The following PLEKHH2 variants were observed in gnomAD, a reference collection of about 807,000 sequenced individuals.
PLEKHH2 encodes pleckstrin homology domain-containing family H member 2.
Under a neutral mutation model 187.9 loss-of-function variants are expected in PLEKHH2, and 129 were observed. The ratio of observed to expected loss-of-function variants is 0.69; its 90% confidence interval spans 0.59 to 0.79. PLEKHH2 has a LOEUF of 0.79. Among genes scored for constraint, PLEKHH2 ranks in the 30% least tolerant of loss-of-function variants. PLEKHH2 has a pLI of 0.00. For missense variants in PLEKHH2, 2,076 were observed against 1,751.2 expected (o/e 1.19, Z -3.31); for synonymous variants, 686 against 605.6 (o/e 1.13, Z -1.95).
chr2:43,641,492 T>A (rs1467395897), intron 1 of PLEKHH2, among the ~76,000 whole-genome samples: 5 of 104,336 alleles, frequency 4.8e-5, no homozygotes, highest in Admixed American at 3.5e-4. Context: ...TTATGAGATT[T>A]GTTTTGCAAT....
intron 17 of PLEKHH2, 61 bp from the exon 18 acceptor site, chr2:43,729,576 G>GTT: frequency 1.9e-5 from 22 of 1,142,362 alleles, no homozygotes; most frequent in South Asian, 9.5e-5. Context: ...TATGCAAGTT[G>GTT]TTTTTTTTTC....
rs1350745430 is a variant in PLEKHH2, at chr2:43,649,780, T to C, written c.123+4984T>C. On this transcript the variant is annotated intron_variant, in intron 2 of 29. Transcript: ENST00000282406. ...TAATGTTTGGTGGTAGAATCTTTCA[T>C]GGGGTCTGTGGGGGAAAAGTCAGGA... Among the ~76,000 whole-genome samples, 10 of 152,220 alleles carry C rather than the reference T, an allele frequency of 6.6e-5. No individual in the cohort carries two copies. In the East Asian group the frequency reaches 1.9e-3, roughly 29 times the overall value.
At chr2:43,680,768 GT>G in intron 3 of PLEKHH2, 1 of 388,506 alleles carries the variant, frequency 2.6e-6, no homozygotes, top group Non-Finnish European at 4.8e-6. Context: ...GCCGTACAAA[GT>G]TTGTCATTCC....
At chr2:43,639,985 G>A (rs1703298840) in intron 1 of PLEKHH2, among the ~76,000 whole-genome samples, 1 of 152,002 alleles carries the variant, frequency 6.6e-6, no homozygotes, top group African/African-American at 2.4e-5. Context: ...TCATTCATCT[G>A]ATGGTGGACA....
intron 24 of PLEKHH2, among the ~76,000 whole-genome samples, chr2:43,752,983 C>T (rs190235173): frequency 6.6e-6 from 1 of 152,286 alleles, no homozygotes; most frequent in Non-Finnish European, 1.5e-5. Flanking sequence ...AGAGAAAACT[C>T]ACCTTCTCCC....
At chr2:43,639,650 C>CTTTTTTTTTTTTTTTTTTTTTTT (rs869116400) in intron 1 of PLEKHH2, among the ~76,000 whole-genome samples, 1 of 99,226 alleles carries the variant, frequency 1.0e-5, no homozygotes, top group Non-Finnish European at 1.9e-5. Flanking sequence ...GGATGTACCA[C>CTTTTTTTTTTTTTTTTTTTTTTT]TTTTTTTTTT....
At chr2:43,692,723 A>G in intron 4 of PLEKHH2, 60 bp downstream of exon 4, 1 of 1,519,296 alleles carries the variant, frequency 6.6e-7, no homozygotes, top group Non-Finnish European at 9.0e-7. Flanking sequence ...ATAATCACAA[A>G]GATTAAAAAG....
chr2:43,708,392 T>A (rs1022454892), intron 11 of PLEKHH2, among the ~76,000 whole-genome samples: 7 of 152,192 alleles, frequency 4.6e-5, no homozygotes, highest in African/African-American at 1.7e-4. Flanking sequence ...CAGGCATGCT[T>A]GCATTTCAGG....
chr2:43,764,844 T>C (rs992044236), intron 29 of PLEKHH2, among the ~76,000 whole-genome samples: 2 of 152,228 alleles, frequency 1.3e-5, no homozygotes, highest in African/African-American at 4.8e-5. Context: ...TTAACATCTC[T>C]AAGTAAAAGC....
intron 25 of PLEKHH2, among the ~76,000 whole-genome samples, chr2:43,755,163 G>A (rs896271198): frequency 2.7e-4 from 41 of 152,144 alleles, no homozygotes; most frequent in African/African-American, 9.9e-4. Context: ...GTGAGCCACC[G>A]CGCCCAGCCA....
At chr2:43,705,444 A>T (rs1669612457) in intron 9 of PLEKHH2, among the ~76,000 whole-genome samples, 1 of 151,168 alleles carries the variant, frequency 6.6e-6, no homozygotes, top group African/African-American at 2.4e-5. Flanking sequence ...TTTTGTGGAG[A>T]TGGGGGTCTC....
chr2:43,656,667 A>C (rs1019342347), intron 2 of PLEKHH2, among the ~76,000 whole-genome samples: 1 of 152,250 alleles, frequency 6.6e-6, no homozygotes, highest in Non-Finnish European at 1.5e-5. Context: ...CGATGTATAC[A>C]TATTTAAAAA....
chr2:43,761,535 C>G (rs112047746), intron 27 of PLEKHH2, among the ~76,000 whole-genome samples: 4 of 151,732 alleles, frequency 2.6e-5, no homozygotes, highest in African/African-American at 9.7e-5. Flanking sequence ...CTCAGCCTCC[C>G]AAGTAGATCG....
intron 15 of PLEKHH2, among the ~76,000 whole-genome samples, chr2:43,713,308 A>G (rs1272705844): frequency 6.6e-6 from 1 of 152,150 alleles, no homozygotes; most frequent in Admixed American, 6.6e-5. Flanking sequence ...CTAGTTTTGA[A>G]AGCTATTTAC....
intron 17 of PLEKHH2, 109 bp from the exon 18 acceptor site, chr2:43,729,527 AG>A: frequency 3.3e-6 from 2 of 599,566 alleles, no homozygotes; most frequent in Non-Finnish European, 2.6e-6. Flanking sequence ...TAAAAATTAA[AG>A]CAAGTGGTTC....
Position 43,710,401 on chromosome 2 carries a change from T to A in PLEKHH2, c.2214+71T>A, listed in dbSNP as rs1052963365. 4.4e-6 allele frequency: 7 copies of A among 1,586,102 alleles called. No homozygotes were observed. In the African/African-American group the frequency reaches 6.8e-5, roughly 15 times the overall value. ...TAAATCAGACGCCTGATTGATTTCC[T>A]TCCCATAATGCAAGTAATGATACAA... is the stretch of plus-strand genomic sequence containing the variant. On this transcript the variant is annotated intron_variant, in intron 13 of 29. Coordinates refer to ENST00000282406, the MANE Select transcript of PLEKHH2 (RefSeq NM_172069.4).
chr2:43,764,969 C>CT (rs532162840), intron 29 of PLEKHH2, among the ~76,000 whole-genome samples: 225 of 152,298 alleles, frequency 1.5e-3, no homozygotes, highest in Non-Finnish European at 2.5e-3. Flanking sequence ...GAATCTGAAG[C>CT]TTTTTTTACA....
intron 3 of PLEKHH2, among the ~76,000 whole-genome samples, chr2:43,682,346 A>G (rs756123457): frequency 1.3e-5 from 2 of 152,082 alleles, no homozygotes; most frequent in Non-Finnish European, 2.9e-5. Flanking sequence ...TCACTCTGTC[A>G]CCTGGGCTGG....
At chr2:43,700,673 G>T in intron 8 of PLEKHH2, 65 bp downstream of exon 8, 1 of 1,519,304 alleles carries the variant, frequency 6.6e-7, no homozygotes, top group South Asian at 1.3e-5. Flanking sequence ...TTTTTTCTGG[G>T]AGGGAGTCTC....
Sources: allele counts gnomAD v4.1 joint callset (sites outside exome capture counted in the v4.1 genomes callset), GRCh38; gene constraint gnomAD v4.1.1; transcripts MANE v1.5; gene names NCBI Gene and HGNC (gene_info 2026-07-23, HGNC 2026-07-21).